NOX4: variants seen among roughly 807,000 people sequenced by gnomAD.
NOX4 encodes the protein kidney oxidase-1.
In NOX4, 69 loss-of-function variants were observed where a neutral mutation model predicts 87.6. The ratio of observed to expected loss-of-function variants is 0.79; its 90% CI spans 0.65 to 0.96. NOX4 has a LOEUF of 0.96. NOX4 is among the 40% of genes least tolerant of loss of function. The pLI is 0.00. For synonymous variants in NOX4, 275 were observed against 238.2 expected, an observed-to-expected ratio of 1.15 and a Z score of -1.42; for missense variants, 680 against 681.5, an observed-to-expected ratio of 1.00 and a Z score of 0.02.
chr11:89,375,865 T>C (rs1205713075), intron 11 of NOX4, among the ~76,000 whole-genome samples: 1 of 152,216 alleles, frequency 6.6e-6, no homozygotes, highest in South Asian at 2.1e-4. Flanking sequence ...AGATGACCTA[T>C]AGCCAAGAAG....
chr11:89,496,503 A>G (rs937646365), upstream of NOX4, among the ~76,000 whole-genome samples: 3 of 152,098 alleles, frequency 2.0e-5, no homozygotes, highest in Non-Finnish European at 2.9e-5. Context: ...TTCACAGTGT[A>G]TATGTATATG....
At chr11:89,349,628 A>G (rs2134952709) in intron 13 of NOX4, among the ~76,000 whole-genome samples, 1 of 152,346 alleles carries the variant, frequency 6.6e-6, no homozygotes, top group African/African-American at 2.4e-5. Context: ...GTCAAAAAAG[A>G]ACAGCTCTAA....
intron 2 of NOX4, among the ~76,000 whole-genome samples, chr11:89,468,428 G>T (rs184586302): frequency 5.3e-5 from 8 of 152,158 alleles, no homozygotes; most frequent in Admixed American, 2.0e-4. Context: ...TTGACAAAAG[G>T]TCATTGCCCA....
intron 8 of NOX4, among the ~76,000 whole-genome samples, chr11:89,421,139 T>C (rs1222275938): frequency 1.3e-5 from 2 of 152,212 alleles, no homozygotes; most frequent in Non-Finnish European, 1.5e-5. Flanking sequence ...ATTCTGTGTG[T>C]CCTGCCCTGT....
intron 8 of NOX4, among the ~76,000 whole-genome samples, chr11:89,416,228 G>T (rs1242486218): frequency 6.6e-6 from 1 of 152,152 alleles, no homozygotes; most frequent in Non-Finnish European, 1.5e-5. Flanking sequence ...CAAGAAATGG[G>T]AAACTGAAAA....
intron 7 of NOX4, among the ~76,000 whole-genome samples, chr11:89,426,349 T>C (rs1311608748): frequency 1.3e-5 from 2 of 152,166 alleles, no homozygotes; most frequent in Admixed American, 1.3e-4. Flanking sequence ...TGGGTTCATC[T>C]CACTAGGGCT....
chr11:89,400,957 A>G (rs964196838), intron 9 of NOX4, among the ~76,000 whole-genome samples: 2 of 151,952 alleles, frequency 1.3e-5, no homozygotes, highest in African/African-American at 4.8e-5. Context: ...ACATAAAATA[A>G]TATTTATAAT....
the NOX4 span, among the ~76,000 whole-genome samples, chr11:89,508,663 G>C: frequency 6.6e-6 from 1 of 151,992 alleles, no homozygotes; most frequent in South Asian, 2.1e-4. Context: ...AGAGAGGATG[G>C]GAGTAAAAAA....
chr11:89,588,813 A>G, the NOX4 span, among the ~76,000 whole-genome samples: 1 of 152,184 alleles, frequency 6.6e-6, no homozygotes, highest in Non-Finnish European at 1.5e-5. Flanking sequence ...TGCGAAATAA[A>G]TACAGTGCTG....
chr11:89,577,832 T>C, the NOX4 span, among the ~76,000 whole-genome samples: 1 of 152,084 alleles, frequency 6.6e-6, no homozygotes, highest in African/African-American at 2.4e-5. Context: ...ATAAAGTATA[T>C]AAAAACAAAT....
chr11:89,433,420 T>C (rs1050373287), intron 6 of NOX4, among the ~76,000 whole-genome samples: 1 of 152,042 alleles, frequency 6.6e-6, no homozygotes, highest in Admixed American at 6.6e-5. Flanking sequence ...CATCAGTAAT[T>C]AATGCAACAG....
At chr11:89,437,236 C>T (rs951596490) in intron 6 of NOX4, among the ~76,000 whole-genome samples, 6 of 151,778 alleles carry the variant, frequency 4.0e-5, no homozygotes, top group Admixed American at 2.0e-4. Context: ...GGCATGGTGA[C>T]GGGCACCTGT....
chr11:89,342,134 C>T lies in NOX4; in HGVS notation c.1277G>A (p.Ser426Asn). The change falls in exon 14 of 18, where the codon AGC becomes AAC. Residue 426 changes from serine (S) to asparagine (N), a missense_variant. Coordinates refer to ENST00000263317, the MANE Select transcript of NOX4 (RefSeq NM_016931.5). The stretch of plus-strand genomic sequence containing the variant: ...TCCAATGCCTCCAGCCACGCAGAGG[C>T]TGACCTCATAGTTCAGTGATTCCTC... Reference protein sequence around the residue: ...PFEESLNYEVSLCVAGGIGVT... With the variant: ...PFEESLNYEVNLCVAGGIGVT... The T allele has an allele frequency of 6.2e-7, 1 of 1,613,050 alleles. No individual in the cohort carries two copies.
chr11:89,578,349 A>G, the NOX4 span, among the ~76,000 whole-genome samples: 1 of 151,878 alleles, frequency 6.6e-6, no homozygotes, highest in Non-Finnish European at 1.5e-5. Flanking sequence ...TTTAGTAGAG[A>G]AATGATTTCA....
intron 2 of NOX4, among the ~76,000 whole-genome samples, chr11:89,489,655 C>A (rs942164814): frequency 6.8e-6 from 1 of 147,318 alleles, no homozygotes; most frequent in African/African-American, 2.5e-5. Flanking sequence ...TTGAACCAGG[C>A]AATCAGAGGT....
the NOX4 span, chr11:89,548,785 A>G: frequency 6.6e-6 from 1 of 152,190 alleles, no homozygotes; most frequent in African/African-American, 2.4e-5. Context: ...GATAGGTGAA[A>G]TGGTATCTGC....
the NOX4 span, among the ~76,000 whole-genome samples, chr11:89,569,583 T>C: frequency 2.0e-5 from 3 of 152,280 alleles, no homozygotes; most frequent in South Asian, 6.2e-4. Context: ...GGAATGCTTA[T>C]ACACTGCTAG....
intron 8 of NOX4, 51 bp from the exon 9 acceptor site, chr11:89,402,593 C>A (rs1941938182): frequency 7.5e-7 from 1 of 1,334,354 alleles, no homozygotes. Context: ...GATTTGAGAT[C>A]AGGGGACACG....
chr11:89,573,845 G>C, the NOX4 span, among the ~76,000 whole-genome samples: 1 of 152,132 alleles, frequency 6.6e-6, no homozygotes, highest in Non-Finnish European at 1.5e-5. Flanking sequence ...TTCCCTTAGG[G>C]GGAGCTGCCC....
Sources: gnomAD v4.1 joint callset for allele counts (sites outside exome capture counted in the v4.1 genomes callset) on GRCh38, gnomAD v4.1.1 for gene constraint, MANE v1.5 for transcripts, NCBI Gene and HGNC (gene_info 2026-07-23, HGNC 2026-07-21) for gene names.